DOCK7: variants seen among roughly 807,000 people sequenced by gnomAD.
DOCK7 encodes the protein dedicator of cytokinesis protein 7.
In DOCK7, 138 loss-of-function variants were observed where a neutral mutation model predicts 271.0. That is an observed-to-expected ratio of 0.51 (90% CI 0.44 to 0.59). The LOEUF is 0.59. DOCK7 is among the 20% of genes least tolerant of loss of function. The pLI, the probability that DOCK7 is intolerant of heterozygous loss-of-function variation, is 0.00. For synonymous variants in DOCK7, 823 were observed against 876.1 expected (o/e 0.94, Z 1.07); for missense variants, 2,066 against 2,592.4 (o/e 0.80, Z 4.41).
chr1:62,566,930 G>C (rs868225327), intron 18 of DOCK7, among the ~76,000 whole-genome samples: 7 of 152,072 alleles, frequency 4.6e-5, no homozygotes, highest in African/African-American at 7.2e-5. Flanking sequence ...ATGCAGCCAA[G>C]AGACACATGA....
intron 1 of DOCK7, among the ~76,000 whole-genome samples, chr1:62,683,921 T>C (rs1376993228): frequency 6.7e-6 from 1 of 148,814 alleles, no homozygotes; most frequent in African/African-American, 2.5e-5. Context: ...AGCGAGACCC[T>C]ATCTCAAGAA....
At chr1:62,474,872 C>T (rs1031090067) in intron 47 of DOCK7, among the ~76,000 whole-genome samples, 1 of 152,098 alleles carries the variant, frequency 6.6e-6, no homozygotes, top group African/African-American at 2.4e-5. Context: ...GATTCCATAT[C>T]ACTTATTTAA....
chr1:62,531,126 T>C (rs1288827554), intron 29 of DOCK7, among the ~76,000 whole-genome samples: 2 of 152,218 alleles, frequency 1.3e-5, no homozygotes, highest in African/African-American at 4.8e-5. Context: ...AGTTCCCACC[T>C]TCCCCAGATT....
intron 14 of DOCK7, chr1:62,604,156 C>G (rs770139358): frequency 6.2e-7 from 1 of 1,613,296 alleles, no homozygotes; most frequent in East Asian, 2.2e-5. Flanking sequence ...CCAATGCAAT[C>G]CCGGAAAACA....
Position 62,488,940 on chromosome 1 carries a change from A to G in DOCK7, c.5487T>C (p.Val1829=). Residue 1829 remains valine, a synonymous_variant, in exon 42 of 50, where the codon GTT becomes GTC. Coordinates refer to ENST00000635253, the MANE Select transcript of DOCK7 (RefSeq NM_001367561.1). ...TAGAAATTGGAATCATTACCTGATG[A>G]ACAATTTTGCTGAATGCTTCTTGAA... is the stretch of plus-strand genomic sequence containing the variant. ...GKLQEAFSKI[V]HQSTGWERMF... 1.9e-6 allele frequency: 3 copies of G among 1,613,704 alleles called. No homozygotes were observed. Among genetic ancestry groups the G allele is most frequent in the Non-Finnish European group, 2.5e-6 (3 of 1,179,860 alleles).
intron 1 of DOCK7, 25 bp downstream of exon 1, chr1:62,688,202 G>T: frequency 7.3e-7 from 1 of 1,368,632 alleles, no homozygotes. Context: ...CGGCGGCGGC[G>T]GCGCGCCCCA....
At chr1:62,640,809 A>T (rs761482354) in intron 7 of DOCK7, among the ~76,000 whole-genome samples, 2 of 152,200 alleles carry the variant, frequency 1.3e-5, no homozygotes, top group Non-Finnish European at 2.9e-5. Flanking sequence ...CCCTCCAAAT[A>T]GTGTTCCAGC....
chr1:62,637,513 C>A (rs1351379511), intron 7 of DOCK7, among the ~76,000 whole-genome samples: 3 of 152,182 alleles, frequency 2.0e-5, no homozygotes, highest in African/African-American at 7.2e-5. Flanking sequence ...AGAGATATGA[C>A]TGAACATCCT....
chr1:62,553,346 ATATATATATTTTTTTTTTTTTTTTT>A lies in DOCK7; in HGVS notation c.2597-470_2597-446del, dbSNP rs1398505742. 7.8e-3 allele frequency among the ~76,000 whole-genome samples: 191 copies of A among 24,390 alleles called. 1 individual carries two copies. Among genetic ancestry groups the A allele is most frequent in the South Asian group, 0.024 (19 of 778 alleles). The allele number at this position is 24,390 out of a possible 152,430, so 16.0% of individuals were successfully genotyped here. A position where few individuals can be genotyped will look rare whatever the true frequency, so the allele number is the denominator to read the frequency against. On this transcript the variant is annotated intron_variant, in intron 21 of 49. Coordinates refer to ENST00000635253, the MANE Select transcript of DOCK7 (RefSeq NM_001367561.1). ...TATATATATATATATATATATATATATATATATATTTTTTTTTTTTTTTTTTTTTTTTTTTTTTTAATAGGCAGGT... is the reference window on the plus strand; with the variant it reads ...TATATATATATATATATATATATATATTTTTTTTTTTTTTAATAGGCAGGT...
At chr1:62,481,008 CA>C (rs35993847) in intron 43 of DOCK7, among the ~76,000 whole-genome samples, 48 of 94,644 alleles carry the variant, frequency 5.1e-4, no homozygotes, top group African/African-American at 1.8e-3. Context: ...GACTCCGTCT[CA>C]AAAAAAAAAA....
At chr1:62,604,717 G>T in intron 14 of DOCK7, 1 of 1,613,122 alleles carries the variant, frequency 6.2e-7, no homozygotes, top group Non-Finnish European at 8.5e-7. Context: ...AAGCCAGAGA[G>T]GAGAAGAGGA....
intron 14 of DOCK7, among the ~76,000 whole-genome samples, chr1:62,616,034 TAAAC>T (rs1325272943): frequency 1.3e-5 from 2 of 151,752 alleles, no homozygotes; most frequent in Non-Finnish European, 3.0e-5. Flanking sequence ...CAAATGATCT[TAAAC>T]AAGCACTAAT....
chr1:62,596,620 G>T (rs926495597), intron 14 of DOCK7, among the ~76,000 whole-genome samples: 181 of 151,990 alleles, frequency 1.2e-3, no homozygotes, highest in Non-Finnish European at 2.0e-3. Context: ...ACCAGCATGG[G>T]CAATACATTA....
chr1:62,644,695 G>A (rs909878247), intron 7 of DOCK7, among the ~76,000 whole-genome samples: 1 of 152,144 alleles, frequency 6.6e-6, no homozygotes. Flanking sequence ...GCTGTTCTTA[G>A]GGAACAAAAT....
intron 48 of DOCK7, among the ~76,000 whole-genome samples, chr1:62,472,044 C>T (rs1051214884): frequency 6.6e-6 from 1 of 152,048 alleles, no homozygotes; most frequent in Admixed American, 6.6e-5. Flanking sequence ...TTGGCTATAA[C>T]TCCTTTGTAA....
intron 25 of DOCK7, 33 bp from the exon 26 acceptor site, chr1:62,539,925 T>C (rs1329833520): frequency 2.1e-6 from 3 of 1,448,012 alleles, no homozygotes; most frequent in Admixed American, 2.2e-5. Flanking sequence ...TAATTTCCTA[T>C]GAATATATTT....
intron 2 of DOCK7, among the ~76,000 whole-genome samples, chr1:62,658,913 A>C (rs1658337415): frequency 6.6e-6 from 1 of 151,776 alleles, no homozygotes; most frequent in South Asian, 2.1e-4. Flanking sequence ...AGATTGCACC[A>C]CTACACTCCA....
At chr1:62,601,433 T>A (rs992376591) in intron 14 of DOCK7, among the ~76,000 whole-genome samples, 2 of 151,676 alleles carry the variant, frequency 1.3e-5, no homozygotes, top group Admixed American at 6.6e-5. Context: ...TTTTCTTAGA[T>A]GTGATCATGG....
chr1:62,681,113 T>C (rs1485064522), intron 1 of DOCK7, among the ~76,000 whole-genome samples: 1 of 152,072 alleles, frequency 6.6e-6, no homozygotes, highest in Non-Finnish European at 1.5e-5. Flanking sequence ...CTATTCACAA[T>C]AGCAAAGACT....
Sources: gnomAD v4.1 joint callset for allele counts (sites outside exome capture counted in the v4.1 genomes callset) on GRCh38, gnomAD v4.1.1 for gene constraint, MANE v1.5 for transcripts, NCBI Gene and HGNC (gene_info 2026-07-23, HGNC 2026-07-21) for gene names.